Variants in PPP2R3A observed in about 807,000 individuals in gnomAD.
PPP2R3A encodes the protein serine/threonine-protein phosphatase 2A regulatory subunit B'' subunit alpha.
In PPP2R3A, 80 loss-of-function variants were observed where a neutral mutation model predicts 106.9. That is an observed-to-expected ratio of 0.75 (90% CI 0.62 to 0.90). The LOEUF (loss-of-function observed/expected upper bound fraction) is 0.90, where lower values mean the gene tolerates loss of function less well. Ranked by LOEUF, PPP2R3A falls within the 40% of genes least tolerant of loss-of-function variation. The pLI is 0.00. For synonymous variants in PPP2R3A, 483 were observed against 468.3 expected, an observed-to-expected ratio of 1.03 and a Z score of -0.41; for missense variants, 1,386 against 1,350.4, an observed-to-expected ratio of 1.03 and a Z score of -0.41.
At chr3:136,103,870 A>G (rs919792185) in intron 12 of PPP2R3A, among the ~76,000 whole-genome samples, 3 of 152,196 alleles carry the variant, frequency 2.0e-5, no homozygotes, top group Non-Finnish European at 4.4e-5. Flanking sequence ...GTTCATGGCT[A>G]TCAGTTTTGA....
intron 10 of PPP2R3A, among the ~76,000 whole-genome samples, chr3:136,101,445 G>T (rs1490123396): frequency 6.6e-6 from 1 of 151,948 alleles, no homozygotes; most frequent in Admixed American, 6.6e-5. Context: ...TTATCTTGAG[G>T]CGGGAGTCTC....
rs1223809780 is a variant in PPP2R3A, at chr3:136,136,062, AAAAAAAAAAAATTATAT to A, written c.3330-8979_3330-8963del. On this transcript the variant is annotated intron_variant, in intron 13 of 13. Transcript: ENST00000264977. ...CTCCGTCTCAAAAAAAAAAAAAAAA[AAAAAAAAAAAATTATAT>A]ATATATATATATATAAAAAACATCA... Among the ~76,000 whole-genome samples, 9 of 58,184 alleles carry A rather than the reference AAAAAAAAAAAATTATAT, an allele frequency of 1.5e-4. 2 individuals are homozygous for A. In the East Asian group the frequency reaches 2.0e-3, roughly 13 times the overall value. 38.2% of individuals were successfully genotyped at this position (58,184 alleles called of 152,430 possible).
At chr3:135,973,214 T>A (rs1323916061) in intron 1 of PPP2R3A, among the ~76,000 whole-genome samples, 1 of 152,198 alleles carries the variant, frequency 6.6e-6, no homozygotes, top group Non-Finnish European at 1.5e-5. Flanking sequence ...AGTCTGAGAC[T>A]CTTATTTGTA....
chr3:135,995,173 G>A (rs1933336159), intron 1 of PPP2R3A, among the ~76,000 whole-genome samples: 1 of 152,172 alleles, frequency 6.6e-6, no homozygotes, highest in Non-Finnish European at 1.5e-5. Flanking sequence ...GCCTGGGGGG[G>A]TGGGGCTGGC....
intron 5 of PPP2R3A, among the ~76,000 whole-genome samples, chr3:136,064,280 G>C (rs1233954077): frequency 1.8e-5 from 2 of 114,098 alleles, no homozygotes; most frequent in African/African-American, 3.3e-5. Context: ...GGTGGGGGGA[G>C]GGGGGAGGGA....
At chr3:136,132,456 G>T (rs1272919405) in intron 13 of PPP2R3A, among the ~76,000 whole-genome samples, 1 of 151,988 alleles carries the variant, frequency 6.6e-6, no homozygotes, top group African/African-American at 2.4e-5. Flanking sequence ...CAGTAGTACA[G>T]TATTTCTATA....
chr3:136,001,694 G>T lies in PPP2R3A; in HGVS notation c.196G>T (p.Ala66Ser). Residue 66 changes from alanine (A) to serine (S), a missense_variant, in exon 2 of 14, where the codon GCA (alanine) becomes TCA (serine). Coordinates refer to ENST00000264977, the MANE Select transcript of PPP2R3A (RefSeq NM_002718.5). Reference sequence around the variant, plus strand: ...CATCCCTGTGTCTCAGTTCAAAGATGCAGATCTGAACTCTATGTTTCTACC... The same window carrying T: ...CATCCCTGTGTCTCAGTTCAAAGATTCAGATCTGAACTCTATGTTTCTACC... ...LHIPVSQFKD[A>S]DLNSMFLPHE... The T allele has an allele frequency of 6.2e-7, 1 of 1,614,116 alleles. No individual in the cohort carries two copies. Among genetic ancestry groups the T allele is most frequent in the Non-Finnish European group, 8.5e-7 (1 of 1,180,016 alleles).
At chr3:136,143,186 C>G (rs902007772) in intron 13 of PPP2R3A, among the ~76,000 whole-genome samples, 1 of 152,224 alleles carries the variant, frequency 6.6e-6, no homozygotes, top group African/African-American at 2.4e-5. Context: ...CCTCTAACCT[C>G]TATTCAAAAA....
intron 1 of PPP2R3A, among the ~76,000 whole-genome samples, chr3:135,978,062 G>A (rs1283114473): frequency 6.6e-6 from 1 of 152,068 alleles, no homozygotes; most frequent in Admixed American, 6.5e-5. Flanking sequence ...ATGATTAAAG[G>A]AAGCCAGGTG....
rs1937357152 is a variant in PPP2R3A at position 135,974,542 on chromosome 3, T to A, written c.-441+8693T>A. On this transcript the variant is annotated intron_variant, in intron 1 of 13. Transcript: ENST00000264977. ...GACCTCATCTGTTACTGCTCTTCCC[T>A]GTGCTTGCTTTGTCCCAGTCAAAAA... 5.9e-5 allele frequency among the ~76,000 whole-genome samples: 9 copies of A among 152,258 alleles called. No homozygotes were observed. In the South Asian group the frequency reaches 1.9e-3, roughly 31 times the overall value.
chr3:135,967,864 G>T (rs767275216), intron 1 of PPP2R3A, among the ~76,000 whole-genome samples: 3 of 152,190 alleles, frequency 2.0e-5, no homozygotes, highest in Non-Finnish European at 2.9e-5. Flanking sequence ...GTAATTTCTA[G>T]TTGTGGAGGG....
At chr3:136,140,772 T>C (rs1030296681) in intron 13 of PPP2R3A, among the ~76,000 whole-genome samples, 21 of 147,972 alleles carry the variant, frequency 1.4e-4, no homozygotes, top group Admixed American at 7.4e-4. Flanking sequence ...AAGCCGGTTG[T>C]GGTGGCACAC....
At chr3:136,124,056 T>C (rs1938093684) in intron 13 of PPP2R3A, among the ~76,000 whole-genome samples, 1 of 152,110 alleles carries the variant, frequency 6.6e-6, no homozygotes, top group Non-Finnish European at 1.5e-5. Context: ...TGATTAAAAA[T>C]TGAATTAAAT....
chr3:135,966,761 C>CA (rs1201480191), intron 1 of PPP2R3A, among the ~76,000 whole-genome samples: 6 of 151,900 alleles, frequency 3.9e-5, no homozygotes, highest in African/African-American at 1.2e-4. Context: ...AACACGTAAG[C>CA]AAAAAAAGAG....
At chr3:136,091,541 C>G (rs1387525964) in intron 10 of PPP2R3A, among the ~76,000 whole-genome samples, 1 of 152,112 alleles carries the variant, frequency 6.6e-6, no homozygotes, top group Non-Finnish European at 1.5e-5. Flanking sequence ...CACTTGAGGG[C>G]AGGAGTTTGA....
At chr3:136,022,810 C>A (rs1934511454) in intron 2 of PPP2R3A, 5 of 1,229,630 alleles carry the variant, frequency 4.1e-6, no homozygotes, top group Non-Finnish European at 5.1e-6. Context: ...AGCAACAGGC[C>A]CACTGCAGGC....
chr3:136,126,798 G>C (rs1487908497), intron 13 of PPP2R3A, among the ~76,000 whole-genome samples: 1 of 152,128 alleles, frequency 6.6e-6, no homozygotes, highest in Non-Finnish European at 1.5e-5. Flanking sequence ...CCAGAGGAAG[G>C]ATCAGGCAGC....
chr3:136,114,698 A>G (rs892484904), intron 13 of PPP2R3A, among the ~76,000 whole-genome samples: 1 of 152,200 alleles, frequency 6.6e-6, no homozygotes, highest in African/African-American at 2.4e-5. Context: ...ACCGCAGCTC[A>G]CCAAGGCTGC....
intron 2 of PPP2R3A, among the ~76,000 whole-genome samples, chr3:136,026,204 T>C (rs753774212): frequency 5.9e-5 from 9 of 152,146 alleles, no homozygotes; most frequent in South Asian, 2.1e-4. Context: ...ACAAATAAGA[T>C]ACATGTGTAT....
Sources: gnomAD v4.1 joint callset for allele counts (sites outside exome capture counted in the v4.1 genomes callset) on GRCh38, gnomAD v4.1.1 for gene constraint, MANE v1.5 for transcripts, NCBI Gene and HGNC (gene_info 2026-07-23, HGNC 2026-07-21) for gene names.